The following FNTB variants were observed in gnomAD, a reference collection of about 807,000 sequenced individuals.
FNTB encodes the protein farnesyltransferase, CAAX box, subunit beta.
FNTB carries 27 observed loss-of-function variants against 59.4 expected under a neutral mutation model. The ratio of observed to expected loss-of-function variants is 0.45; its 90% CI spans 0.34 to 0.63. The LOEUF is 0.63. FNTB is among the 20% of genes least tolerant of loss of function. FNTB has a pLI of 0.02. For synonymous variants in FNTB, 230 were observed against 220.7 expected (o/e 1.04, Z -0.37); for missense variants, 449 against 559.6 (o/e 0.80, Z 1.99).
intron 1 of FNTB, among the ~76,000 whole-genome samples, chr14:64,996,766 C>CTTTTTTTT (rs34327825): frequency 2.3e-3 from 220 of 94,304 alleles, no homozygotes; most frequent in East Asian, 3.6e-3. Context: ...TTGCTAACAT[C>CTTTTTTTT]TTTTTTTTTT....
intron 4 of FNTB, chr14:65,022,006 C>T (rs564140272): frequency 2.0e-5 from 9 of 455,992 alleles, no homozygotes; most frequent in African/African-American, 1.0e-4. Flanking sequence ...AGAGACTTGC[C>T]GGTGCTTGAT....
At chr14:65,039,655 T>G (rs2062298789) in intron 7 of FNTB, among the ~76,000 whole-genome samples, 1 of 152,130 alleles carries the variant, frequency 6.6e-6, no homozygotes, top group Non-Finnish European at 1.5e-5. Context: ...TTCTTGTCCT[T>G]CTTGTGTTAG....
chr14:65,040,955 C>T, intron 8 of FNTB, 36 bp downstream of exon 8: 1 of 1,606,942 alleles, frequency 6.2e-7, no homozygotes, highest in Non-Finnish European at 8.5e-7. Context: ...TCTCAGGCCC[C>T]AGGTCATGGT....
chr14:65,051,165 C>T lies in FNTB; in HGVS notation c.956-2073C>T, dbSNP rs117971650. ...TTAATGGGTGTTTCAGGGCTGAGTG[C>T]GACTCAGGGTTGAAGACGAGAAGCT... On this transcript the variant is annotated intron_variant, in intron 9 of 11. Transcript: ENST00000246166. Among the ~76,000 whole-genome samples the T allele has an allele frequency of 4.1e-3, 619 of 152,280 alleles. 15 individuals are homozygous for T. In the South Asian group the frequency reaches 0.042, roughly 10 times the overall value.
At chr14:65,026,944 G>A (rs1263648259) in intron 4 of FNTB, among the ~76,000 whole-genome samples, 3 of 152,198 alleles carry the variant, frequency 2.0e-5, no homozygotes, top group Non-Finnish European at 4.4e-5. Flanking sequence ...GTGGCAATGG[G>A]AGTGAGAAGA....
Position 65,001,738 on chromosome 14 carries a change from C to T in FNTB, c.145-2511C>T, listed in dbSNP as rs1249436886. On this transcript the variant is annotated intron_variant, in intron 1 of 11. Transcript: ENST00000246166. The surrounding 1 kb of genome is among the most constrained non-coding windows in gnomAD (Gnocchi z 5.5). Reference sequence around the variant, plus strand: ...ATTTTTCTATCCCATTCAGCTTATACGCATGACTGAGAAATGCAGTCTGTG... The same window carrying T: ...ATTTTTCTATCCCATTCAGCTTATATGCATGACTGAGAAATGCAGTCTGTG... Among the ~76,000 whole-genome samples, 1 of 152,162 alleles carries T rather than the reference C, an allele frequency of 6.6e-6. No homozygotes were observed. Among genetic ancestry groups the T allele is most frequent in the Non-Finnish European group, 1.5e-5 (1 of 68,026 alleles).
At chr14:65,040,704 C>T (rs747525155) in intron 7 of FNTB, 86 bp from the exon 8 acceptor site, 2 of 1,325,456 alleles carry the variant, frequency 1.5e-6, no homozygotes, top group Non-Finnish European at 2.0e-6. Flanking sequence ...TCTGAGTGAA[C>T]TTTTTCTCTG....
chr14:65,060,952 G>C (rs1450985120), intron 11 of FNTB, among the ~76,000 whole-genome samples: 1 of 147,454 alleles, frequency 6.8e-6, no homozygotes, highest in Non-Finnish European at 1.5e-5. Flanking sequence ...GTAAGTATTT[G>C]CCTGTATCGT....
At chr14:65,038,131 C>T (rs929212141) in intron 7 of FNTB, among the ~76,000 whole-genome samples, 21 of 152,066 alleles carry the variant, frequency 1.4e-4, no homozygotes, top group African/African-American at 5.1e-4. Flanking sequence ...TACTTTGAGG[C>T]TGGGCGTGGT....
In FNTB at chr14:64,993,520, G is replaced by A. The variant is rs150298052; in HGVS notation, c.144+6423G>A. ...AGCAAGAGGTACTTTGTAAGTATTT[G>A]AATATAAAGTGACTTGTATTTTCTG... On this transcript the variant is annotated intron_variant, in intron 1 of 11. Transcript: ENST00000246166. Among the ~76,000 whole-genome samples the A allele has an allele frequency of 3.1e-3, 476 of 152,302 alleles. 4 individuals are homozygous for A. The highest frequency in any genetic ancestry group is 0.011 in the African/African-American group (460 of 41,564).
chr14:65,010,228 T>A (rs1021761036), intron 2 of FNTB, among the ~76,000 whole-genome samples: 40 of 152,210 alleles, frequency 2.6e-4, no homozygotes, highest in African/African-American at 8.9e-4. Context: ...AACTCTCCTG[T>A]TTCTCTCCTT....
chr14:65,057,499 GGTTT>G (rs1238895736), intron 11 of FNTB, among the ~76,000 whole-genome samples: 2 of 152,050 alleles, frequency 1.3e-5, no homozygotes, highest in African/African-American at 4.8e-5. Context: ...GTCATTCAGG[GGTTT>G]GTTTTTGGGG....
intron 1 of FNTB, among the ~76,000 whole-genome samples, chr14:64,992,673 C>T (rs559415163): frequency 1.1e-3 from 162 of 152,196 alleles, no homozygotes; most frequent in African/African-American, 3.1e-3. Flanking sequence ...GGCTGGAGTG[C>T]GGTGATGCAA....
intron 4 of FNTB, among the ~76,000 whole-genome samples, chr14:65,018,646 C>T (rs2139537685): frequency 6.6e-6 from 1 of 151,540 alleles, no homozygotes; most frequent in South Asian, 2.1e-4. Context: ...CTTGTCTCTA[C>T]TAAAAATATA....
chr14:65,025,580 C>T (rs997598307), intron 4 of FNTB, among the ~76,000 whole-genome samples: 14 of 152,034 alleles, frequency 9.2e-5, no homozygotes, highest in Admixed American at 3.3e-4. Flanking sequence ...TTTGGGAGTC[C>T]GAGGTGGGAG....
intron 9 of FNTB, among the ~76,000 whole-genome samples, chr14:65,052,861 C>T (rs189880430): frequency 1.3e-5 from 2 of 152,264 alleles, no homozygotes; most frequent in Admixed American, 1.3e-4. Flanking sequence ...GAGGGAATGT[C>T]TCTTGAAGTC....
chr14:65,008,182 C>T (rs2061625773), intron 2 of FNTB, among the ~76,000 whole-genome samples: 1 of 152,210 alleles, frequency 6.6e-6, no homozygotes, highest in Non-Finnish European at 1.5e-5. Flanking sequence ...ACTAGAGAGG[C>T]CCCTGGCTTT....
chr14:65,025,603 C>A (rs2061965520), intron 4 of FNTB, among the ~76,000 whole-genome samples: 1 of 152,078 alleles, frequency 6.6e-6, no homozygotes, highest in Non-Finnish European at 1.5e-5. Context: ...TTGCTTGAGC[C>A]CAGGAGTTCA....
At chr14:65,034,627 C>T (rs2062150921) in intron 7 of FNTB, among the ~76,000 whole-genome samples, 1 of 152,176 alleles carries the variant, frequency 6.6e-6, no homozygotes, top group South Asian at 2.1e-4. Context: ...GGAGAGTAGG[C>T]ACTGCCTGTG....
Sources: gnomAD v4.1 joint callset for allele counts (sites outside exome capture counted in the v4.1 genomes callset) on GRCh38, gnomAD v4.1.1 for gene constraint, Gnocchi (gnomAD v3.1) non-coding constraint, MANE v1.5 for transcripts, NCBI Gene and HGNC (gene_info 2026-07-23, HGNC 2026-07-21) for gene names.